R3HDML: variants seen among roughly 807,000 people sequenced by gnomAD.
R3HDML encodes R3H domain containing like.
Under a neutral mutation model 24.2 loss-of-function variants are expected in R3HDML, and 21 were observed. That is an observed-to-expected ratio of 0.87 (90% CI 0.62 to 1.25). The LOEUF is 1.25. Among genes scored for constraint, R3HDML ranks in the 50% most tolerant of loss-of-function variants. R3HDML has a pLI of 0.00. For synonymous variants in R3HDML, 133 were observed against 131.5 expected, an observed-to-expected ratio of 1.01 and a Z score of -0.08; for missense variants, 301 against 340.3, an observed-to-expected ratio of 0.88 and a Z score of 0.91.
In R3HDML at chr20:44,343,447, A is replaced by G. The variant is rs372591214; in HGVS notation, c.451A>G (p.Arg151Gly). ...GTGGCATTACTTGTTTCCGGCCCCAAGGGACTGTAACCCACACTGCCCCTG... is the reference window on the plus strand; with the variant it reads ...GTGGCATTACTTGTTTCCGGCCCCAGGGGACTGTAACCCACACTGCCCCTG... ...EKWHYLFPAP[R>G]DCNPHCPWRC... Residue 151 changes from arginine (R) to glycine (G), a missense_variant, in exon 3 of 5, where the codon AGG (arginine) becomes GGG (glycine). By Grantham distance (125) the Arg-to-Gly change is moderately radical (BLOSUM62 -2). Coordinates refer to ENST00000217043, the MANE Select transcript of R3HDML (RefSeq NM_178491.4). The G allele has an allele frequency of 1.2e-5, 20 of 1,613,188 alleles. No individual in the cohort carries two copies. Among genetic ancestry groups the G allele is most frequent in the Admixed American group, 3.3e-5 (2 of 59,908 alleles).
chr20:44,346,365 A>G (rs1199971907), intron 4 of R3HDML, among the ~76,000 whole-genome samples: 1 of 149,644 alleles, frequency 6.7e-6, no homozygotes, highest in East Asian at 2.0e-4. Flanking sequence ...CCTCCTTCCA[A>G]GGTCTCCCAA....
chr20:44,345,639 T>TA (rs994008269), intron 4 of R3HDML, among the ~76,000 whole-genome samples: 13 of 146,298 alleles, frequency 8.9e-5, no homozygotes, highest in South Asian at 4.3e-4. Flanking sequence ...CCCCAACTCT[T>TA]AAAAAAAAAA....
In R3HDML at chr20:44,345,309, G is replaced by A; in HGVS notation, c.560G>A (p.Cys187Tyr). 6.2e-7 allele frequency: 1 copy of A among 1,614,206 alleles called. No homozygotes were observed. ...CGGCTGGGCTGTGCCATCCACACCT[G>A]TAGTAGCATCAGTGTCTGGGGCAAC... is the stretch of plus-strand genomic sequence containing the variant. ...SNRLGCAIHT[C>Y]SSISVWGNTW... The change falls in exon 4 of 5, where the codon TGT becomes TAT. Residue 187 changes from cysteine to tyrosine, a missense_variant. Coordinates refer to ENST00000217043, the MANE Select transcript of R3HDML (RefSeq NM_178491.4).
At chr20:44,350,583 G>A in intron 4 of R3HDML, 77 bp from the exon 5 acceptor site, 1 of 1,453,960 alleles carries the variant, frequency 6.9e-7, no homozygotes, top group Non-Finnish European at 9.2e-7. Flanking sequence ...GTCAGTGGCA[G>A]CGCTGAGATC....
At chr20:44,341,581 G>T (rs1262048900) in intron 2 of R3HDML, among the ~76,000 whole-genome samples, 1 of 152,162 alleles carries the variant, frequency 6.6e-6, no homozygotes. Context: ...GGGATTGGAA[G>T]ACTAAGAAAA....
At chr20:44,346,427 C>A (rs148813107) in intron 4 of R3HDML, among the ~76,000 whole-genome samples, 26 of 152,338 alleles carry the variant, frequency 1.7e-4, no homozygotes, top group Middle Eastern at 6.8e-3. Context: ...TAATCCTTTT[C>A]CTTTACCCAA....
rs774366706 is a variant in R3HDML at position 44,337,558 on chromosome 20, C to T, written c.261+140C>T. 3.6e-5 allele frequency: 32 copies of T among 895,992 alleles called. No homozygotes were observed. Among genetic ancestry groups the T allele is most frequent in the East Asian group, 5.3e-5 (2 of 37,748 alleles). 55.5% of individuals were successfully genotyped at this position (895,992 alleles called of 1,614,324 possible). On this transcript the variant is annotated intron_variant, in intron 1 of 4. Coordinates refer to ENST00000217043, the MANE Select transcript of R3HDML (RefSeq NM_178491.4). The surrounding 1 kb of genome is among the most constrained non-coding windows in gnomAD (Gnocchi z 4.7). ...GCCCCACTAGCCAGTATCTGGGTGT[C>T]GACCTGTGGAAAGGGCAGGAGTTAA...
chr20:44,337,453 T>C lies in R3HDML; in HGVS notation c.261+35T>C. On this transcript the variant is annotated intron_variant, in intron 1 of 4. Transcript: ENST00000217043. The surrounding 1 kb of genome is among the most constrained non-coding windows in gnomAD (Gnocchi z 4.7). The stretch of plus-strand genomic sequence containing the variant: ...CGTACCTGCCCCCCACCCCCCGCAG[T>C]GTCCCTTCCGGCAAACGCAGCCGGA... 3.9e-6 allele frequency: 6 copies of C among 1,527,736 alleles called. No individual in the cohort carries two copies. The highest frequency in any genetic ancestry group is 3.6e-6 in the Non-Finnish European group (4 of 1,108,442). The allele number at this position is 1,527,736 out of a possible 1,614,324, so 94.6% of individuals were successfully genotyped here.
chr20:44,337,519 C>A lies in R3HDML; in HGVS notation c.261+101C>A. 7.6e-7 allele frequency: 1 copy of A among 1,324,380 alleles called. No individual in the cohort carries two copies. Among genetic ancestry groups the A allele is most frequent in the Non-Finnish European group, 1.0e-6 (1 of 955,038 alleles). 82.0% of individuals were successfully genotyped at this position (1,324,380 alleles called of 1,614,324 possible). A position where few individuals can be genotyped will look rare whatever the true frequency, so the allele number is the denominator to read the frequency against. The stretch of plus-strand genomic sequence containing the variant: ...AATGACTGGCTTTGAAGAGCTGGAC[C>A]ACTTGCCTGCCTGGCCCCACTAGCC... On this transcript the variant is annotated intron_variant, in intron 1 of 4. Coordinates refer to ENST00000217043, the MANE Select transcript of R3HDML (RefSeq NM_178491.4). The surrounding 1 kb of genome is among the most constrained non-coding windows in gnomAD (Gnocchi z 4.7).
intron 1 of R3HDML, among the ~76,000 whole-genome samples, chr20:44,340,519 AGCCTCCCGAAGT>A (rs1361213426): frequency 1.3e-5 from 2 of 152,252 alleles, no homozygotes; most frequent in African/African-American, 2.4e-5. Context: ...CACCTGCTTC[AGCCTCCCGAAGT>A]GCCCTGTAAT....
Position 44,351,170 on chromosome 20 carries a change from G to A in R3HDML, c.*378G>A. 6.0e-6 allele frequency: 1 copy of A among 166,668 alleles called. No individual in the cohort carries two copies. Among genetic ancestry groups the A allele is most frequent in the Non-Finnish European group, 1.3e-5 (1 of 77,950 alleles). 10.3% of individuals were successfully genotyped at this position (166,668 alleles called of 1,614,324 possible). A position where few individuals can be genotyped will look rare whatever the true frequency, so the allele number is the denominator to read the frequency against. On this transcript the variant is annotated 3_prime_UTR_variant, in exon 5 of 5. Coordinates refer to ENST00000217043, the MANE Select transcript of R3HDML (RefSeq NM_178491.4). Reference sequence around the variant, plus strand: ...GAGGTGGGAGAATCACTTGAGTCCTGGAGTTGGAGAACAGCCTGGAAAGCC... The same window carrying A: ...GAGGTGGGAGAATCACTTGAGTCCTAGAGTTGGAGAACAGCCTGGAAAGCC...
At chr20:44,338,837 C>T (rs191676522) in intron 1 of R3HDML, among the ~76,000 whole-genome samples, 8 of 152,224 alleles carry the variant, frequency 5.3e-5, no homozygotes, top group African/African-American at 1.4e-4. Context: ...TTTGGGAGGC[C>T]GAGGTGGGTG....
At chr20:44,344,596 A>G (rs562820013) in intron 3 of R3HDML, among the ~76,000 whole-genome samples, 10 of 152,206 alleles carry the variant, frequency 6.6e-5, no homozygotes, top group African/African-American at 2.4e-4. Context: ...AGCCTGGCCA[A>G]CATGATGAAA....
At chr20:44,340,163 C>T (rs1024564285) in intron 1 of R3HDML, among the ~76,000 whole-genome samples, 1 of 152,020 alleles carries the variant, frequency 6.6e-6, no homozygotes, top group African/African-American at 2.4e-5. Flanking sequence ...CCATGTTGGC[C>T]AGGTTAGTCT....
intron 1 of R3HDML, among the ~76,000 whole-genome samples, chr20:44,339,143 C>G (rs1568675390): frequency 6.6e-6 from 1 of 152,056 alleles, no homozygotes; most frequent in Non-Finnish European, 1.5e-5. Context: ...CCCATTTCTC[C>G]CTCCCTAGCT....
Position 44,350,920 on chromosome 20 carries a change from C to T in R3HDML, c.*128C>T. On this transcript the variant is annotated 3_prime_UTR_variant, in exon 5 of 5. Transcript: ENST00000217043. ...TTAGAATCACCCCCTGTTGAATTTT[C>T]CCTCCTAGATCCCCTTCTTAAATGT... The T allele has an allele frequency of 1.8e-6, 2 of 1,082,068 alleles. No individual in the cohort carries two copies. Among genetic ancestry groups the T allele is most frequent in the South Asian group, 3.1e-5 (2 of 64,422 alleles). 67.0% of individuals were successfully genotyped at this position (1,082,068 alleles called of 1,614,324 possible). A position where few individuals can be genotyped will look rare whatever the true frequency, so the allele number is the denominator to read the frequency against.
intron 1 of R3HDML, among the ~76,000 whole-genome samples, chr20:44,340,006 G>A (rs1384178207): frequency 6.6e-6 from 1 of 151,992 alleles, no homozygotes; most frequent in Non-Finnish European, 1.5e-5. Flanking sequence ...CCAGGATGGA[G>A]TACAATGATA....
In R3HDML at chr20:44,345,398, C is replaced by T; in HGVS notation, c.629+20C>T. 2 of 1,574,802 alleles carry T rather than the reference C, an allele frequency of 1.3e-6. No individual in the cohort carries two copies. The highest frequency in any genetic ancestry group is 1.7e-4 in the Middle Eastern group (1 of 5,918). ...CATTAAGTAAGTGCCTGCACCAAGG[C>T]AAAGAGGGCCCTGGGGCCGGCGGGT... On this transcript the variant is annotated intron_variant, in intron 4 of 4. Coordinates refer to ENST00000217043, the MANE Select transcript of R3HDML (RefSeq NM_178491.4).
At chr20:44,338,744 C>T (rs2062764419) in intron 1 of R3HDML, among the ~76,000 whole-genome samples, 1 of 152,108 alleles carries the variant, frequency 6.6e-6, no homozygotes, top group African/African-American at 2.4e-5. Flanking sequence ...CCCTTTGTAG[C>T]ATGAGGGAAG....
Sources: gnomAD v4.1 joint callset for allele counts (sites outside exome capture counted in the v4.1 genomes callset) on GRCh38, gnomAD v4.1.1 for gene constraint, Gnocchi (gnomAD v3.1) non-coding constraint, MANE v1.5 for transcripts, NCBI Gene and HGNC (gene_info 2026-07-23, HGNC 2026-07-21) for gene names.